The following RNLS variants were observed in gnomAD, a reference collection of about 807,000 sequenced individuals.
The protein encoded by RNLS is renalase.
In RNLS, 39 loss-of-function variants were observed where a neutral mutation model predicts 39.8. The observed-to-expected ratio is 0.98, with a 90% CI of 0.76 to 1.28. The LOEUF (loss-of-function observed/expected upper bound fraction) is 1.28, where lower values mean the gene tolerates loss of function less well. Among genes scored for constraint, RNLS ranks in the 50% most tolerant of loss-of-function variants. RNLS has a pLI of 0.00. For missense variants in RNLS, 410 were observed against 413.3 expected, an observed-to-expected ratio of 0.99 and a Z score of 0.07; for synonymous variants, 147 against 150.7, an observed-to-expected ratio of 0.98 and a Z score of 0.18.
intron 4 of RNLS, among the ~76,000 whole-genome samples, chr10:88,455,141 C>T (rs1842559181): frequency 6.6e-6 from 1 of 152,032 alleles, no homozygotes. Flanking sequence ...GTACTAAGTA[C>T]TATGGAGCCA....
At chr10:88,407,118 G>A (rs1853327077) in intron 4 of RNLS, among the ~76,000 whole-genome samples, 1 of 151,936 alleles carries the variant, frequency 6.6e-6, no homozygotes, top group Non-Finnish European at 1.5e-5. Flanking sequence ...CAGATGATAG[G>A]TGCATCAAAA....
chr10:88,176,173 CT>C, the RNLS span, among the ~76,000 whole-genome samples: 85,224 of 146,904 alleles, frequency 0.58, 24,540 homozygotes, highest in South Asian at 0.71. Context: ...CTTAGCCTAT[CT>C]TTTTTTTTTT....
the RNLS span, among the ~76,000 whole-genome samples, chr10:88,198,625 A>C: frequency 6.6e-6 from 1 of 152,100 alleles, no homozygotes; most frequent in Non-Finnish European, 1.5e-5. Context: ...TCTTCTCATG[A>C]TAGTGACTGA....
In RNLS at chr10:88,444,014, G is replaced by C. The variant is rs549607691; in HGVS notation, c.527-81289C>G. Among the ~76,000 whole-genome samples the C allele has an allele frequency of 2.0e-5, 3 of 152,366 alleles. No individual in the cohort carries two copies. In the South Asian group the frequency reaches 6.2e-4, roughly 32 times the overall value. On this transcript the variant is annotated intron_variant, in intron 4 of 6. Coordinates refer to ENST00000331772, the MANE Select transcript of RNLS (RefSeq NM_001031709.3). ...GGAGTTTGAGATGTGAGAACGGACA[G>C]ACTGCCTCCTCAAGTAGGTCTCTGA... is the stretch of plus-strand genomic sequence containing the variant.
chr10:88,450,576 T>C (rs570963123), intron 4 of RNLS, among the ~76,000 whole-genome samples: 7 of 152,272 alleles, frequency 4.6e-5, no homozygotes, highest in South Asian at 4.1e-4. Context: ...CAATACATAG[T>C]GGTACAGACC....
chr10:88,181,730 G>A, the RNLS span, among the ~76,000 whole-genome samples: 1 of 152,092 alleles, frequency 6.6e-6, no homozygotes, highest in African/African-American at 2.4e-5. Context: ...TTCCTGATTG[G>A]GAGTTAGGCA....
chr10:88,305,457 A>T (rs1844848857), intron 6 of RNLS, among the ~76,000 whole-genome samples: 1 of 152,212 alleles, frequency 6.6e-6, no homozygotes, highest in African/African-American at 2.4e-5. Flanking sequence ...CCCATCTCAC[A>T]TGCAATGATG....
At chr10:88,373,120 T>G (rs1290555381) in intron 4 of RNLS, among the ~76,000 whole-genome samples, 2 of 152,140 alleles carry the variant, frequency 1.3e-5, no homozygotes, top group Non-Finnish European at 2.9e-5. Context: ...TCCATAACAA[T>G]AAAAACTTTA....
chr10:88,185,382 T>A, the RNLS span, among the ~76,000 whole-genome samples: 1 of 152,210 alleles, frequency 6.6e-6, no homozygotes, highest in Non-Finnish European at 1.5e-5. Flanking sequence ...TCATTAAAAA[T>A]GTCCCTTTAA....
intron 4 of RNLS, among the ~76,000 whole-genome samples, chr10:88,503,897 G>A (rs1845638402): frequency 6.6e-6 from 1 of 152,102 alleles, no homozygotes; most frequent in Non-Finnish European, 1.5e-5. Flanking sequence ...CCTTAGATGT[G>A]GGGATAGGTG....
intron 4 of RNLS, among the ~76,000 whole-genome samples, chr10:88,517,454 G>A (rs1331584864): frequency 1.3e-5 from 2 of 151,736 alleles, no homozygotes; most frequent in Non-Finnish European, 2.9e-5. Flanking sequence ...AATTTTAAAT[G>A]GTTTGAATGT....
intron 4 of RNLS, among the ~76,000 whole-genome samples, chr10:88,412,332 G>A (rs535917334): frequency 6.6e-6 from 1 of 152,084 alleles, no homozygotes; most frequent in Non-Finnish European, 1.5e-5. Flanking sequence ...CAGTGTAAGC[G>A]GGGGTGTTGA....
At chr10:88,543,904 T>A (rs1321435378) in intron 4 of RNLS, among the ~76,000 whole-genome samples, 3 of 152,188 alleles carry the variant, frequency 2.0e-5, no homozygotes, top group Non-Finnish European at 2.9e-5. Flanking sequence ...ATCTTAGTAA[T>A]CTGACTACAG....
intron 4 of RNLS, among the ~76,000 whole-genome samples, chr10:88,527,942 A>AT (rs1395672200): frequency 2.6e-5 from 4 of 152,020 alleles, no homozygotes; most frequent in African/African-American, 7.2e-5. Flanking sequence ...AAAAATAAAA[A>AT]AAAATCATAA....
intron 4 of RNLS, among the ~76,000 whole-genome samples, chr10:88,381,880 G>GTGA (rs1564751243): frequency 6.0e-5 from 8 of 133,440 alleles, no homozygotes; most frequent in South Asian, 2.5e-4. Context: ...AAATTTTTAA[G>GTGA]TGATTGAAAA....
chr10:88,173,763 A>G, the RNLS span, among the ~76,000 whole-genome samples: 2 of 152,196 alleles, frequency 1.3e-5, no homozygotes, highest in East Asian at 1.9e-4. Context: ...ACAAATAATC[A>G]GGCCAAGTAT....
Position 88,483,773 on chromosome 10 carries a change from A to T in RNLS, c.526+89130T>A, listed in dbSNP as rs1039745859. On this transcript the variant is annotated intron_variant, in intron 4 of 6. Coordinates refer to ENST00000331772, the MANE Select transcript of RNLS (RefSeq NM_001031709.3). ...AACCTCATACCACATATTTTGTATT[A>T]AAAAAACCCTTCATATTTTGTACTG... 7.9e-5 allele frequency among the ~76,000 whole-genome samples: 12 copies of T among 152,184 alleles called. No homozygotes were observed. In the East Asian group the frequency reaches 1.5e-3, roughly 20 times the overall value.
the RNLS span, among the ~76,000 whole-genome samples, chr10:88,265,906 T>C: frequency 6.6e-6 from 1 of 152,340 alleles, no homozygotes; most frequent in African/African-American, 2.4e-5. Context: ...AATTAGTCAT[T>C]CATCCCTTTA....
At chr10:88,326,858 A>G (rs1407034201) in intron 5 of RNLS, among the ~76,000 whole-genome samples, 1 of 152,212 alleles carries the variant, frequency 6.6e-6, no homozygotes, top group Admixed American at 6.5e-5. Context: ...GAGCTGCCCA[A>G]GACTGTGTGA....
Sources: gnomAD v4.1 joint callset for allele counts (sites outside exome capture counted in the v4.1 genomes callset) on GRCh38, gnomAD v4.1.1 for gene constraint, MANE v1.5 for transcripts, NCBI Gene and HGNC (gene_info 2026-07-23, HGNC 2026-07-21) for gene names.